Variants in ECT2L observed in about 807,000 individuals in gnomAD.
ECT2L encodes the protein epithelial cell transforming 2 like.
In ECT2L, 126 loss-of-function variants were observed where a neutral mutation model predicts 122.8. The ratio of observed to expected loss-of-function variants is 1.03; its 90% CI spans 0.89 to 1.19. The LOEUF is 1.19. ECT2L is among the 50% of genes most tolerant of loss of function. The pLI is 0.00. For missense variants in ECT2L, 1,012 were observed against 1,064.1 expected (o/e 0.95, Z 0.68); for synonymous variants, 385 against 381.8 (o/e 1.01, Z -0.10).
chr6:138,839,570 G>GC (rs1344654377), intron 5 of ECT2L, among the ~76,000 whole-genome samples: 1 of 151,886 alleles, frequency 6.6e-6, no homozygotes, highest in Non-Finnish European at 1.5e-5. Flanking sequence ...CGCCATGTTG[G>GC]CCAGGCTGGT....
chr6:138,867,276 C>G (rs1396310473), intron 12 of ECT2L, among the ~76,000 whole-genome samples: 1 of 152,086 alleles, frequency 6.6e-6, no homozygotes, highest in South Asian at 2.1e-4. Context: ...TTTTTATAGA[C>G]TAGACATTTA....
intron 3 of ECT2L, 29 bp from the exon 4 acceptor site, chr6:138,814,462 A>C: frequency 7.0e-7 from 1 of 1,431,546 alleles, no homozygotes; most frequent in Non-Finnish European, 9.8e-7. Context: ...CTGTACAGCA[A>C]ATGTCACTTC....
chr6:138,852,576 C>T (rs146916642), intron 9 of ECT2L, among the ~76,000 whole-genome samples: 1 of 152,206 alleles, frequency 6.6e-6, no homozygotes, highest in East Asian at 1.9e-4. Context: ...CGTCAAATTG[C>T]CATCTCTGTG....
In ECT2L at chr6:138,882,706, G is replaced by A; in HGVS notation, c.1881-18G>A. The stretch of plus-strand genomic sequence containing the variant: ...TCACAAGTGAATATTTCATGCTTAT[G>A]CTCTTCTCATACCACAGGCAGTTTC... On this transcript the variant is annotated intron_variant, in intron 15 of 21. Coordinates refer to ENST00000541398, the MANE Select transcript of ECT2L (RefSeq NM_001077706.3). 1 of 1,612,488 alleles carries A rather than the reference G, an allele frequency of 6.2e-7. No homozygotes were observed. Among genetic ancestry groups the A allele is most frequent in the African/African-American group, 1.3e-5 (1 of 74,960 alleles).
chr6:138,839,370 T>G (rs910223593), intron 5 of ECT2L, among the ~76,000 whole-genome samples: 3 of 151,962 alleles, frequency 2.0e-5, no homozygotes, highest in African/African-American at 7.3e-5. Context: ...CATACTTTTT[T>G]TTTTTTTTTC....
intron 4 of ECT2L, among the ~76,000 whole-genome samples, chr6:138,836,116 A>G (rs1776828342): frequency 1.3e-5 from 2 of 152,040 alleles, no homozygotes; most frequent in Non-Finnish European, 2.9e-5. Flanking sequence ...TTTGTCCCAT[A>G]GCTGGAGATT....
rs943454568 is a variant in ECT2L, at chr6:138,843,307, G to C, written c.595+76G>C. On this transcript the variant is annotated intron_variant, in intron 6 of 21. Coordinates refer to ENST00000541398, the MANE Select transcript of ECT2L (RefSeq NM_001077706.3). ...ATGGATTCACATACAAATTCCCACA[G>C]AGGACAGCCCTGTCTTTCGGAATAC... 184 of 1,433,118 alleles carry C rather than the reference G, an allele frequency of 1.3e-4. 1 individual carries two copies. Among genetic ancestry groups the C allele is most frequent in the Middle Eastern group, 2.5e-4 (1 of 4,014 alleles). The allele number at this position is 1,433,118 out of a possible 1,614,324, so 88.8% of individuals were successfully genotyped here. A position where few individuals can be genotyped will look rare whatever the true frequency, so the allele number is the denominator to read the frequency against.
intron 4 of ECT2L, among the ~76,000 whole-genome samples, chr6:138,832,589 T>A (rs999681524): frequency 1.3e-5 from 2 of 152,126 alleles, no homozygotes; most frequent in Non-Finnish European, 2.9e-5. Flanking sequence ...GGTCTCCCTT[T>A]CCTTTAGCAG....
At position 138,846,994 on chromosome 6, in the gene ECT2L, G is replaced by C. The variant is rs181278099; in HGVS notation, c.903+317G>C. On this transcript the variant is annotated intron_variant, in intron 8 of 21. Transcript: ENST00000541398. ...AAAAAAAAAAAAAAAAAGGCCAGGTGCAGTGACTCACACCTATAATCCCAG... is the reference window on the plus strand; with the variant it reads ...AAAAAAAAAAAAAAAAAGGCCAGGTCCAGTGACTCACACCTATAATCCCAG... Among the ~76,000 whole-genome samples the C allele has an allele frequency of 2.7e-5, 4 of 148,514 alleles. No individual in the cohort carries two copies. In the East Asian group the frequency reaches 8.0e-4, roughly 30 times the overall value.
chr6:138,855,700 T>C lies in ECT2L; in HGVS notation c.1198+1546T>C, dbSNP rs78326271. ...ACATGCATATGTGTGAGGTGGTGTATGTATAGAAAAAGATTTGGAAGGATG... is the reference window on the plus strand; with the variant it reads ...ACATGCATATGTGTGAGGTGGTGTACGTATAGAAAAAGATTTGGAAGGATG... On this transcript the variant is annotated intron_variant, in intron 10 of 21. Coordinates refer to ENST00000541398, the MANE Select transcript of ECT2L (RefSeq NM_001077706.3). Among the ~76,000 whole-genome samples, 1,308 of 152,240 alleles carry C rather than the reference T, an allele frequency of 8.6e-3. 21 individuals carry two copies. Among genetic ancestry groups the C allele is most frequent in the African/African-American group, 0.03 (1,239 of 41,546 alleles).
intron 10 of ECT2L, among the ~76,000 whole-genome samples, chr6:138,855,768 CT>C (rs1777591269): frequency 6.6e-6 from 1 of 152,110 alleles, no homozygotes; most frequent in Non-Finnish European, 1.5e-5. Context: ...GTGAGTTTTC[CT>C]TTTTCTCTCC....
chr6:138,876,339 C>T (rs1778448827), intron 13 of ECT2L, 133 bp from the exon 14 acceptor site: 2 of 569,906 alleles, frequency 3.5e-6, no homozygotes, highest in African/African-American at 3.8e-5. Flanking sequence ...AAGCACTTAA[C>T]TCATTGTGTG....
intron 20 of ECT2L, among the ~76,000 whole-genome samples, chr6:138,898,096 A>G (rs1230443930): frequency 6.6e-6 from 1 of 152,062 alleles, no homozygotes; most frequent in Non-Finnish European, 1.5e-5. Context: ...CCCCCAAAAA[A>G]GCAAGACCAT....
At chr6:138,847,162 C>T (rs867631292) in intron 8 of ECT2L, among the ~76,000 whole-genome samples, 21 of 150,974 alleles carry the variant, frequency 1.4e-4, no homozygotes, top group Middle Eastern at 3.4e-3. Context: ...CCCAGCTACT[C>T]GGGAGAGTGA....
chr6:138,818,438 T>G (rs1776143190), intron 4 of ECT2L, among the ~76,000 whole-genome samples: 1 of 152,176 alleles, frequency 6.6e-6, no homozygotes, highest in Non-Finnish European at 1.5e-5. Flanking sequence ...CAATCTGGTG[T>G]GCAGTTTTTC....
Position 138,834,310 on chromosome 6 carries a change from AC to A in ECT2L, c.180-4039del, listed in dbSNP as rs1484986459. On this transcript the variant is annotated intron_variant, in intron 4 of 21. Transcript: ENST00000541398. ...CCCTGCAATGTCATTACTACAAACTACCCTACCTTAGTTCTGCTGATCATGT... is the reference window on the plus strand; with the variant it reads ...CCCTGCAATGTCATTACTACAAACTACCTACCTTAGTTCTGCTGATCATGT... Among the ~76,000 whole-genome samples, 4 of 150,780 alleles carry A rather than the reference AC, an allele frequency of 2.7e-5. No individual in the cohort carries two copies. In the South Asian group the frequency reaches 6.3e-4, roughly 24 times the overall value.
intron 20 of ECT2L, among the ~76,000 whole-genome samples, chr6:138,893,730 G>A (rs1236408891): frequency 1.3e-5 from 2 of 151,934 alleles, no homozygotes; most frequent in Non-Finnish European, 1.5e-5. Context: ...CCAGAATAAG[G>A]AAATTTTTAT....
At chr6:138,798,222 A>G (rs542850921) in intron 1 of ECT2L, among the ~76,000 whole-genome samples, 4 of 152,288 alleles carry the variant, frequency 2.6e-5, no homozygotes, top group African/African-American at 9.6e-5. Flanking sequence ...TGATGACATC[A>G]TTGGCCATTG....
Position 138,885,607 on chromosome 6 carries a change from G to A in ECT2L, c.2102+28G>A, listed in dbSNP as rs757209596. The A allele has an allele frequency of 6.2e-6, 10 of 1,614,068 alleles. 1 individual carries two copies. The East Asian group carries it at 1.8e-4, about 29-fold the overall frequency. On this transcript the variant is annotated intron_variant, in intron 17 of 21. Coordinates refer to ENST00000541398, the MANE Select transcript of ECT2L (RefSeq NM_001077706.3). ...ACGTTCTGAGGGAGAGCACAGCAGG[G>A]GTCCCCCCAGAGAGGGCATTCCTGG...
Sources: gnomAD v4.1 joint callset for allele counts (sites outside exome capture counted in the v4.1 genomes callset) on GRCh38, gnomAD v4.1.1 for gene constraint, MANE v1.5 for transcripts, NCBI Gene and HGNC (gene_info 2026-07-23, HGNC 2026-07-21) for gene names.